The following ANK2 variants were observed in gnomAD, a reference collection of about 807,000 sequenced individuals.
ANK2 encodes ankyrin 2, also known as ankyrin-2.
ANK2 carries 83 observed loss-of-function variants against 360.5 expected under a neutral mutation model. The ratio of observed to expected loss-of-function variants is 0.23; its 90% CI spans 0.19 to 0.28. ANK2 has a LOEUF of 0.28. ANK2 is among the 10% of genes least tolerant of loss of function. The pLI is 1.00. For synonymous variants in ANK2, 1,740 were observed against 1,759.5 expected, an observed-to-expected ratio of 0.99 and a Z score of 0.28; for missense variants, 4,201 against 4,795.7, an observed-to-expected ratio of 0.88 and a Z score of 3.66.
intron 7 of ANK2, among the ~76,000 whole-genome samples, chr4:113,238,036 CT>C (rs1002774219): frequency 2.0e-4 from 30 of 150,770 alleles, no homozygotes; most frequent in African/African-American, 3.4e-4. Context: ...TGCTGTTGCC[CT>C]TTTTTTTTCT....
chr4:113,144,029 A>C (rs2096739786), intron 1 of ANK2, among the ~76,000 whole-genome samples: 1 of 151,956 alleles, frequency 6.6e-6, no homozygotes, highest in Non-Finnish European at 1.5e-5. Context: ...AACATTTAAA[A>C]GGTTTAGATT....
intron 1 of ANK2, among the ~76,000 whole-genome samples, chr4:113,094,517 C>CGTGTGTGT (rs35254461): frequency 6.7e-6 from 1 of 149,474 alleles, no homozygotes; most frequent in Non-Finnish European, 1.5e-5. Flanking sequence ...GGGTGCAGCA[C>CGTGTGTGT]GTGTGTGTGT....
At chr4:113,323,905 A>G (rs2088079094) in intron 26 of ANK2, 1 of 895,510 alleles carries the variant, frequency 1.1e-6, no homozygotes, top group Non-Finnish European at 1.6e-6. Context: ...GAAGATACCT[A>G]GCCAAAGAGA....
Position 113,174,493 on chromosome 4 carries a change from C to T in ANK2, c.162C>T (p.Gly54=), listed in dbSNP as rs749635039. The change falls in exon 2 of 46, where the codon GGC becomes GGT. Residue 54 remains glycine (G), a synonymous_variant. Transcript: ENST00000357077. ...LDKVVEYLKG[G]IDINTCNQNG... is the part of the protein sequence containing the mutation. ...AAGTTGTGGAATATCTGAAGGGGGGCATAGACATCAATACCTGCAATCAGG... is the reference window on the plus strand; with the variant it reads ...AAGTTGTGGAATATCTGAAGGGGGGTATAGACATCAATACCTGCAATCAGG... 1.1e-5 allele frequency: 18 copies of T among 1,612,150 alleles called. No individual in the cohort carries two copies. The highest frequency in any genetic ancestry group is 5.0e-5 in the Admixed American group (3 of 59,926).
intron 4 of ANK2, among the ~76,000 whole-genome samples, chr4:113,207,127 A>ACC (rs957627819): frequency 3.9e-5 from 6 of 152,018 alleles, no homozygotes; most frequent in African/African-American, 1.4e-4. Context: ...ACACACACAC[A>ACC]CTCCCACATC....
At chr4:113,215,028 C>A (rs191982635) in intron 4 of ANK2, among the ~76,000 whole-genome samples, 25 of 152,134 alleles carry the variant, frequency 1.6e-4, no homozygotes, top group Admixed American at 1.6e-3. Flanking sequence ...AATCATACCC[C>A]TTAAAAATGT....
chr4:113,189,627 A>G (rs1490742049), intron 2 of ANK2, among the ~76,000 whole-genome samples: 1 of 152,204 alleles, frequency 6.6e-6, no homozygotes, highest in Non-Finnish European at 1.5e-5. Flanking sequence ...GTGCCTCATT[A>G]GAAGCAGGAG....
chr4:113,373,241 T>C, intron 44 of ANK2, 44 bp from the exon 45 acceptor site: 1 of 1,612,800 alleles, frequency 6.2e-7, no homozygotes, highest in Non-Finnish European at 8.5e-7. Context: ...AATTCCATGG[T>C]ACTGTCACAC....
At chr4:112,964,488 T>C (rs946048441) in intron 2 of ANK2, among the ~76,000 whole-genome samples, 11 of 152,084 alleles carry the variant, frequency 7.2e-5, no homozygotes, top group African/African-American at 2.4e-4. Flanking sequence ...TCCATCCAGG[T>C]TGTTGCAAAT....
chr4:113,247,285 G>T (rs949471262), intron 9 of ANK2, among the ~76,000 whole-genome samples: 1 of 152,124 alleles, frequency 6.6e-6, no homozygotes, highest in Admixed American at 6.5e-5. Context: ...AGCTTGAAAA[G>T]AATTTTTTTG....
chr4:112,767,493 C>A, the ANK2 span, among the ~76,000 whole-genome samples: 1 of 151,884 alleles, frequency 6.6e-6, no homozygotes, highest in Non-Finnish European at 1.5e-5. Flanking sequence ...TGCAGGAGAT[C>A]AAGGTTGCAG....
chr4:113,354,449 G>A lies in ANK2; in HGVS notation c.5831G>A (p.Arg1944Lys). 3 of 1,614,018 alleles carry A rather than the reference G, an allele frequency of 1.9e-6. No homozygotes were observed. Among genetic ancestry groups the A allele is most frequent in the Non-Finnish European group, 2.5e-6 (3 of 1,179,980 alleles). ...CGCTTGCCTGTTTCACCCTCCGGAA[G>A]AACGGACAAGCACCAACCTGTATCA... ...EKRLPVSPSG[R>K]TDKHQPVSTA... Residue 1944 changes from arginine (R) to lysine (K), a missense_variant, in exon 38 of 46, where the codon AGA becomes AAA. Around this residue, in one of 4 missense-constraint regions of ANK2, gnomAD observed 2,642 missense variants for 2,714.5 expected, o/e 0.97. Transcript: ENST00000357077.
At chr4:113,349,222 TCC>T (rs1036749282) in intron 36 of ANK2, among the ~76,000 whole-genome samples, 2 of 152,098 alleles carry the variant, frequency 1.3e-5, no homozygotes, top group African/African-American at 4.8e-5. Flanking sequence ...TGTGTTTGTC[TCC>T]GTTATAAAGA....
the ANK2 span, among the ~76,000 whole-genome samples, chr4:112,769,690 AGTTTCT>A: frequency 6.6e-6 from 1 of 152,140 alleles, no homozygotes; most frequent in Non-Finnish European, 1.5e-5. Context: ...TTTGTGAGGG[AGTTTCT>A]GGATGAGATT....
Position 113,002,234 on chromosome 4 carries a change from A to G in ANK2, c.21+97720A>G, listed in dbSNP as rs1426977003. 2.0e-5 allele frequency among the ~76,000 whole-genome samples: 3 copies of G among 152,164 alleles called. No homozygotes were observed. In the South Asian group the frequency reaches 6.2e-4, roughly 31 times the overall value. Reference sequence around the variant, plus strand: ...TGGGTATATACCCAAAGGACTATAAATCATGCTGCTATAAAGACACATGCA... The same window carrying G: ...TGGGTATATACCCAAAGGACTATAAGTCATGCTGCTATAAAGACACATGCA... On this transcript the variant is annotated intron_variant, in intron 2 of 30. Transcript: ENST00000503271.
intron 2 of ANK2, among the ~76,000 whole-genome samples, chr4:112,993,040 C>A (rs1397617892): frequency 6.6e-6 from 1 of 151,984 alleles, no homozygotes. Context: ...TCCAGCACTT[C>A]AGGAGATTGA....
rs768200520 is a variant in ANK2 at position 113,381,814 on chromosome 4, T to A, written c.*343T>A. 3.5e-6 allele frequency: 2 copies of A among 566,222 alleles called. No homozygotes were observed. Among genetic ancestry groups the A allele is most frequent in the Admixed American group, 3.1e-5 (1 of 31,896 alleles). The allele number at this position is 566,222 out of a possible 1,614,324, so 35.1% of individuals were successfully genotyped here. On this transcript the variant is annotated 3_prime_UTR_variant, in exon 46 of 46. Coordinates refer to ENST00000357077, the MANE Select transcript of ANK2 (RefSeq NM_001148.6). ...CCCCCATCCTCTTTAACTATAAAGC[T>A]AATTTGTGACCAAAGATGGCATCCT...
intron 1 of ANK2, among the ~76,000 whole-genome samples, chr4:113,149,423 C>A (rs1394203973): frequency 6.6e-6 from 1 of 151,780 alleles, no homozygotes; most frequent in Non-Finnish European, 1.5e-5. Context: ...TATTGTCTTC[C>A]GTAAAAGTTT....
At chr4:112,964,403 A>G (rs1022619035) in intron 2 of ANK2, among the ~76,000 whole-genome samples, 1 of 151,404 alleles carries the variant, frequency 6.6e-6, no homozygotes, top group Non-Finnish European at 1.5e-5. Context: ...GATTTTTAAC[A>G]TCCACAAATA....
Sources: allele counts gnomAD v4.1 joint callset (sites outside exome capture counted in the v4.1 genomes callset), GRCh38; gene constraint gnomAD v4.1.1; regional missense constraint gnomAD v4.1.1; transcripts MANE v1.5; gene names NCBI Gene and HGNC (gene_info 2026-07-23, HGNC 2026-07-21).